The following CSMD3 variants were observed in gnomAD, a reference collection of about 807,000 sequenced individuals.
The protein encoded by CSMD3 is CUB and sushi domain-containing protein 3.
In CSMD3, 177 loss-of-function variants were observed where a neutral mutation model predicts 435.2. The ratio of observed to expected loss-of-function variants is 0.41; its 90% confidence interval spans 0.36 to 0.46. The LOEUF (loss-of-function observed/expected upper bound fraction) is 0.46, where lower values mean the gene tolerates loss of function less well. CSMD3 is among the 20% of genes least tolerant of loss of function. The probability of loss-of-function intolerance (pLI) is 0.34; values close to 1 mark genes in which losing one functional copy is unlikely to be tolerated. For missense variants in CSMD3, 4,265 were observed against 4,504.6 expected, an observed-to-expected ratio of 0.95 and a Z score of 1.52; for synonymous variants, 1,656 against 1,520.5, an observed-to-expected ratio of 1.09 and a Z score of -2.07.
rs187393576 is a variant in CSMD3, at chr8:113,247,416, T to C, written c.514+31176A>G. Among the ~76,000 whole-genome samples, 783 of 152,266 alleles carry C rather than the reference T, an allele frequency of 5.1e-3. 11 individuals are homozygous for C. The highest frequency in any genetic ancestry group is 0.018 in the African/African-American group (756 of 41,576). ...CAGTGTTTTACAGCTACTGTGGTTG[T>C]GCACCTAATAGTTTTCAAGGGTACT... On this transcript the variant is annotated intron_variant, in intron 3 of 70. Transcript: ENST00000297405.
chr8:112,525,879 T>TATATATAA, intron 27 of CSMD3, among the ~76,000 whole-genome samples: 1 of 142,970 alleles, frequency 7.0e-6, no homozygotes, highest in East Asian at 2.0e-4. Context: ...GTTTTTTATA[T>TATATATAA]ATATAAATAT....
intron 1 of CSMD3, among the ~76,000 whole-genome samples, chr8:113,337,043 G>A (rs2094081254): frequency 6.6e-6 from 1 of 152,032 alleles, no homozygotes; most frequent in Non-Finnish European, 1.5e-5. Context: ...TTGTCTTTCT[G>A]TGTTTCCATT....
At chr8:112,970,523 T>C (rs1338268013) in intron 7 of CSMD3, among the ~76,000 whole-genome samples, 1 of 151,916 alleles carries the variant, frequency 6.6e-6, no homozygotes, top group Non-Finnish European at 1.5e-5. Context: ...CATCTGGATA[T>C]TTTGTAAATA....
chr8:113,021,188 C>CT (rs1381554147), intron 5 of CSMD3, among the ~76,000 whole-genome samples: 2 of 152,006 alleles, frequency 1.3e-5, no homozygotes, highest in Non-Finnish European at 2.9e-5. Context: ...AGCTGACTGA[C>CT]TTTTTTTCCA....
chr8:112,618,727 G>A (rs1040001292), intron 22 of CSMD3, among the ~76,000 whole-genome samples: 1 of 152,064 alleles, frequency 6.6e-6, no homozygotes, highest in African/African-American at 2.4e-5. Context: ...GGCATTAACT[G>A]AAGTTATTTC....
rs1392213856 is a variant in CSMD3, at chr8:112,611,595, A to G, written c.3716-24360T>C. ...TTAGCTGTATGCTTTGCTCTAAAAC[A>G]TGCTCTATAATAGACTATTGGCTTT... is the stretch of plus-strand genomic sequence containing the variant. On this transcript the variant is annotated intron_variant, in intron 22 of 70. Transcript: ENST00000297405. 2.0e-5 allele frequency among the ~76,000 whole-genome samples: 3 copies of G among 152,166 alleles called. No homozygotes were observed. In the East Asian group the frequency reaches 5.8e-4, roughly 29 times the overall value.
chr8:113,196,114 A>C (rs2132007626), intron 3 of CSMD3, among the ~76,000 whole-genome samples: 1 of 151,020 alleles, frequency 6.6e-6, no homozygotes, highest in Non-Finnish European at 1.5e-5. Flanking sequence ...CTCTTGCATG[A>C]TAGCTTCTTT....
intron 1 of CSMD3, among the ~76,000 whole-genome samples, chr8:113,370,151 C>T (rs1004721165): frequency 3.2e-4 from 48 of 149,700 alleles, no homozygotes; most frequent in Middle Eastern, 3.2e-3. Context: ...TTCAAAATAT[C>T]ATGTTGTACA....
chr8:112,768,112 T>C (rs1453540789), intron 13 of CSMD3, among the ~76,000 whole-genome samples: 1 of 151,666 alleles, frequency 6.6e-6, no homozygotes, highest in Non-Finnish European at 1.5e-5. Context: ...TTCTTTCTTT[T>C]AATCAAAACT....
chr8:112,950,193 A>G (rs1025634447), intron 8 of CSMD3, among the ~76,000 whole-genome samples: 3 of 152,026 alleles, frequency 2.0e-5, no homozygotes, highest in Non-Finnish European at 4.4e-5. Flanking sequence ...TTCAACAAAT[A>G]TGTCCTAGTT....
At chr8:113,345,837 A>G (rs917996713) in intron 1 of CSMD3, among the ~76,000 whole-genome samples, 3 of 152,092 alleles carry the variant, frequency 2.0e-5, no homozygotes, top group African/African-American at 7.2e-5. Flanking sequence ...ATACAGCTTT[A>G]AAATGGCTGA....
chr8:113,272,863 G>A (rs2093540089), intron 3 of CSMD3, among the ~76,000 whole-genome samples: 2 of 152,270 alleles, frequency 1.3e-5, no homozygotes, highest in East Asian at 3.9e-4. Context: ...GGGTAGTGGG[G>A]AAGGAGGAAT....
chr8:112,871,108 G>C (rs1231684670), intron 10 of CSMD3, among the ~76,000 whole-genome samples: 1 of 152,134 alleles, frequency 6.6e-6, no homozygotes, highest in African/African-American at 2.4e-5. Context: ...ATGAATACGT[G>C]ATTATTACCA....
At position 112,801,119 on chromosome 8, in the gene CSMD3, A is replaced by G. The variant is rs2078950439; in HGVS notation, c.1860-845T>C. Among the ~76,000 whole-genome samples the G allele has an allele frequency of 2.6e-5, 4 of 152,162 alleles. No individual in the cohort carries two copies. The South Asian group carries it at 8.3e-4, about 32-fold the overall frequency. Reference sequence around the variant, plus strand: ...GAGATTCTAAATTATATACAGAAAGACAGGTTTCCAAAGGAAGAAAATACT... The same window carrying G: ...GAGATTCTAAATTATATACAGAAAGGCAGGTTTCCAAAGGAAGAAAATACT... On this transcript the variant is annotated intron_variant, in intron 12 of 70. Coordinates refer to ENST00000297405, the MANE Select transcript of CSMD3 (RefSeq NM_198123.2).
chr8:113,012,993 A>G (rs975040204), intron 6 of CSMD3, among the ~76,000 whole-genome samples: 1 of 152,118 alleles, frequency 6.6e-6, no homozygotes, highest in East Asian at 1.9e-4. Flanking sequence ...TGGTGAAGGT[A>G]CAACAAGAAA....
Position 113,280,738 on chromosome 8 carries a change from G to T in CSMD3, c.402-2034C>A, listed in dbSNP as rs554269146. ...TCTTGTTTCTCTAGTTCCTTGAGGT[G>T]TGACCTTAGAATGTCAGTTTGTGCT... On this transcript the variant is annotated intron_variant, in intron 2 of 70. Transcript: ENST00000297405. Among the ~76,000 whole-genome samples, 4 of 151,996 alleles carry T rather than the reference G, an allele frequency of 2.6e-5. No individual in the cohort carries two copies. The South Asian group carries it at 8.3e-4, about 31-fold the overall frequency.
At chr8:112,570,622 C>A (rs1490133481) in intron 24 of CSMD3, among the ~76,000 whole-genome samples, 1 of 151,808 alleles carries the variant, frequency 6.6e-6, no homozygotes, top group Non-Finnish European at 1.5e-5. Flanking sequence ...GCTAGGAAAT[C>A]TGTGGGTAAC....
rs749862263 is a variant in CSMD3 at position 112,895,496 on chromosome 8, CTGAG to C, written c.1633+26127_1633+26130del. Among the ~76,000 whole-genome samples, 17 of 151,186 alleles carry C rather than the reference CTGAG, an allele frequency of 1.1e-4. No individual in the cohort carries two copies. In the South Asian group the frequency reaches 2.3e-3, roughly 20 times the overall value. On this transcript the variant is annotated intron_variant, in intron 10 of 70. Transcript: ENST00000297405. ...AAAATGATCACATGTGCAGAATATT[CTGAG>C]TAAGGCTGAAAAATAATTTTAAAAT...
In CSMD3 at chr8:112,255,797, A is replaced by G. The variant is rs545550061; in HGVS notation, c.9863-370T>C. The G allele has an allele frequency of 3.9e-3, 999 of 258,242 alleles. 5 individuals are homozygous for G. Among genetic ancestry groups the G allele is most frequent in the Middle Eastern group, 7.4e-3 (5 of 672 alleles). The allele number at this position is 258,242 out of a possible 1,614,324, so 16.0% of individuals were successfully genotyped here. A position where few individuals can be genotyped will look rare whatever the true frequency, so the allele number is the denominator to read the frequency against. On this transcript the variant is annotated intron_variant, in intron 61 of 70. Transcript: ENST00000297405. ...TAGGTGACTCATAGGTGTCCCTGTC[A>G]AAAAGAAGCAACCCATAATGTTCCA...
Sources: allele counts gnomAD v4.1 joint callset (sites outside exome capture counted in the v4.1 genomes callset), GRCh38; gene constraint gnomAD v4.1.1; transcripts MANE v1.5; gene names NCBI Gene and HGNC (gene_info 2026-07-23, HGNC 2026-07-21).